ASB3: variants seen among roughly 807,000 people sequenced by gnomAD.
ASB3 encodes the protein ankyrin repeat and SOCS box protein 3.
Under a neutral mutation model 54.5 loss-of-function variants are expected in ASB3, and 41 were observed. That is an observed-to-expected ratio of 0.75 (90% confidence interval 0.59 to 0.98). The LOEUF (loss-of-function observed/expected upper bound fraction) is 0.98, where lower values mean the gene tolerates loss of function less well. Ranked by LOEUF, ASB3 falls within the 50% of genes least tolerant of loss-of-function variation. The probability of loss-of-function intolerance (pLI) is 0.00; values close to 1 mark genes in which losing one functional copy is unlikely to be tolerated. For missense variants in ASB3, 733 were observed against 620.0 expected (o/e 1.18, Z -1.94); for synonymous variants, 266 against 221.2 (o/e 1.20, Z -1.80).
intron 1 of ASB3, among the ~76,000 whole-genome samples, chr2:53,777,615 C>T (rs1674414142): frequency 6.6e-6 from 1 of 152,098 alleles, no homozygotes; most frequent in Non-Finnish European, 1.5e-5. Context: ...CAGTACTCAT[C>T]TCCTTTCCCA....
intron 1 of ASB3, chr2:53,767,620 G>C (rs1471613782): frequency 1.8e-5 from 8 of 451,714 alleles, no homozygotes; most frequent in Admixed American, 7.0e-5. Flanking sequence ...AGGTTAGGGT[G>C]ATTTACGGAT....
chr2:53,718,788 G>C (rs1173617570), intron 5 of ASB3, among the ~76,000 whole-genome samples: 1 of 149,158 alleles, frequency 6.7e-6, no homozygotes, highest in Non-Finnish European at 1.5e-5. Flanking sequence ...AAAGAAAAAA[G>C]ACCCATCCAT....
chr2:53,763,274 G>A (rs1317582441), intron 2 of ASB3, among the ~76,000 whole-genome samples: 6 of 152,144 alleles, frequency 3.9e-5, no homozygotes, highest in Non-Finnish European at 8.8e-5. Context: ...CAGGAGAACC[G>A]CTTGAATCTG....
intron 5 of ASB3, among the ~76,000 whole-genome samples, chr2:53,717,067 G>T (rs1393880111): frequency 1.3e-5 from 2 of 152,068 alleles, no homozygotes; most frequent in East Asian, 1.9e-4. Context: ...AAATAAAAAG[G>T]TCTTGCCTCT....
chr2:53,735,641 A>C (rs1490269689), intron 3 of ASB3, among the ~76,000 whole-genome samples: 2 of 152,144 alleles, frequency 1.3e-5, no homozygotes, highest in African/African-American at 4.8e-5. Flanking sequence ...AGTTGGAAAA[A>C]AAAAAACAAA....
intron 9 of ASB3, among the ~76,000 whole-genome samples, chr2:53,690,234 C>T (rs1045494632): frequency 6.6e-6 from 1 of 151,432 alleles, no homozygotes; most frequent in African/African-American, 2.4e-5. Context: ...AGACCCTGTC[C>T]CCCCAAATAA....
intron 6 of ASB3, among the ~76,000 whole-genome samples, chr2:53,716,285 A>G (rs1572896453): frequency 6.6e-6 from 1 of 152,194 alleles, no homozygotes; most frequent in Non-Finnish European, 1.5e-5. Context: ...GGCGGCGGAT[A>G]CAGCCATAAC....
intron 3 of ASB3, among the ~76,000 whole-genome samples, chr2:53,734,471 A>G (rs1179473502): frequency 6.6e-6 from 1 of 152,166 alleles, no homozygotes; most frequent in African/African-American, 2.4e-5. Context: ...CCCACAAATC[A>G]CTCATTCATT....
In ASB3 at chr2:53,774,143, G is replaced by T. The variant is rs753872446; in HGVS notation, c.-13-8558C>A. ...TGTATTCTTTTCATTTTTCAACAGG[G>T]ATGTGTATGGGGTGTTGCTTACAGA... On this transcript the variant is annotated intron_variant, in intron 1 of 9. Transcript: ENST00000263634. 2.0e-5 allele frequency: 31 copies of T among 1,588,890 alleles called. No individual in the cohort carries two copies. In the Admixed American group the frequency reaches 5.4e-4, roughly 28 times the overall value.
chr2:53,764,603 G>A (rs1673331585), intron 2 of ASB3, among the ~76,000 whole-genome samples: 3 of 152,148 alleles, frequency 2.0e-5, no homozygotes, highest in Admixed American at 2.0e-4. Flanking sequence ...TTTAGTCAAT[G>A]ACCTTCACTC....
At chr2:53,705,521 G>A (rs1160600332) in intron 7 of ASB3, among the ~76,000 whole-genome samples, 2 of 152,064 alleles carry the variant, frequency 1.3e-5, no homozygotes, top group Non-Finnish European at 2.9e-5. Context: ...CCTTACATTT[G>A]TTTTATAGCA....
chr2:53,738,887 C>A (rs558732031), intron 3 of ASB3, among the ~76,000 whole-genome samples: 1 of 152,184 alleles, frequency 6.6e-6, no homozygotes, highest in Non-Finnish European at 1.5e-5. Context: ...GAAGGCAGAG[C>A]TCCAAGTGTC....
chr2:53,716,076 G>A (rs1670371268), intron 6 of ASB3, among the ~76,000 whole-genome samples: 1 of 152,006 alleles, frequency 6.6e-6, no homozygotes, highest in Non-Finnish European at 1.5e-5. Flanking sequence ...AAGATTCCTG[G>A]AACCCCCATT....
At chr2:53,696,266 A>T (rs1669175229) in intron 8 of ASB3, among the ~76,000 whole-genome samples, 1 of 152,236 alleles carries the variant, frequency 6.6e-6, no homozygotes, top group Non-Finnish European at 1.5e-5. Context: ...TTCACAACTT[A>T]CTTCAAAATA....
intron 1 of ASB3, among the ~76,000 whole-genome samples, chr2:53,776,550 G>C (rs931093508): frequency 3.9e-5 from 6 of 152,120 alleles, no homozygotes; most frequent in Non-Finnish European, 8.8e-5. Flanking sequence ...GCTCACACCT[G>C]TCATCATAGT....
chr2:53,672,180 G>C (rs902511815), intron 9 of ASB3, among the ~76,000 whole-genome samples: 2 of 152,144 alleles, frequency 1.3e-5, no homozygotes, highest in African/African-American at 4.8e-5. Flanking sequence ...TGCCAAATAA[G>C]AAAGCAAAAG....
At chr2:53,675,199 A>G (rs1010481801) in intron 9 of ASB3, among the ~76,000 whole-genome samples, 3 of 152,208 alleles carry the variant, frequency 2.0e-5, no homozygotes, top group Non-Finnish European at 4.4e-5. Flanking sequence ...ACACCACACA[A>G]ATCCCAGGCA....
intron 9 of ASB3, among the ~76,000 whole-genome samples, chr2:53,690,227 C>G (rs1668835957): frequency 6.6e-6 from 1 of 151,880 alleles, no homozygotes; most frequent in Admixed American, 6.6e-5. Context: ...CAGAACAAGA[C>G]CCTGTCCCCC....
At chr2:53,676,051 T>A (rs188054347) in intron 9 of ASB3, among the ~76,000 whole-genome samples, 73 of 152,234 alleles carry the variant, frequency 4.8e-4, no homozygotes, top group African/African-American at 1.3e-3. Flanking sequence ...TCAAGAAAAT[T>A]GGAAAAGCTG....
Sources: gnomAD v4.1 joint callset for allele counts (sites outside exome capture counted in the v4.1 genomes callset) on GRCh38, gnomAD v4.1.1 for gene constraint, MANE v1.5 for transcripts, NCBI Gene and HGNC (gene_info 2026-07-23, HGNC 2026-07-21) for gene names.